The following YEATS2 variants were observed in gnomAD, a reference collection of about 807,000 sequenced individuals.
YEATS2 encodes YEATS domain containing 2, also known as YEATS domain-containing protein 2.
Under a neutral mutation model 163.2 loss-of-function variants are expected in YEATS2, and 77 were observed. That is an observed-to-expected ratio of 0.47 (90% confidence interval 0.39 to 0.57). The LOEUF (loss-of-function observed/expected upper bound fraction) is 0.57, where lower values mean the gene tolerates loss of function less well. Among genes scored for constraint, YEATS2 ranks in the 20% least tolerant of loss-of-function variants. The probability of loss-of-function intolerance (pLI) is 0.00; values close to 1 mark genes in which losing one functional copy is unlikely to be tolerated. For synonymous variants in YEATS2, 631 were observed against 645.1 expected (o/e 0.98, Z 0.33); for missense variants, 1,549 against 1,729.8 (o/e 0.90, Z 1.85).
chr3:183,724,475 A>G lies in YEATS2; in HGVS notation c.594A>G (p.Thr198=), dbSNP rs778662888. The part of the protein sequence containing the change: ...HKTEQRNADL[T]DETSRLFVKK... ...CAGAACAGCGGAATGCTGATCTCAC[A>G]GATGAGACTTCACGACTTTTTGTAA... is the stretch of plus-strand genomic sequence containing the variant. The change falls in exon 6 of 31, where the codon ACA becomes ACG. Residue 198 remains threonine (T), a synonymous_variant. Coordinates refer to ENST00000305135, the MANE Select transcript of YEATS2 (RefSeq NM_018023.5). 6.2e-7 allele frequency: 1 copy of G among 1,614,076 alleles called. No homozygotes were observed. The highest frequency in any genetic ancestry group is 1.1e-5 in the South Asian group (1 of 91,052).
At chr3:183,750,743 A>G (rs1720077378) in intron 9 of YEATS2, among the ~76,000 whole-genome samples, 1 of 152,144 alleles carries the variant, frequency 6.6e-6, no homozygotes. Flanking sequence ...AGAAATGTCT[A>G]TTCAGAGACA....
At chr3:183,798,236 T>C (rs549854508) in intron 22 of YEATS2, among the ~76,000 whole-genome samples, 185 bp downstream of exon 22, 2 of 150,882 alleles carry the variant, frequency 1.3e-5, no homozygotes, top group Admixed American at 1.3e-4. Context: ...AGGGCACCAA[T>C]GCCAGGACTC....
intron 8 of YEATS2, among the ~76,000 whole-genome samples, chr3:183,740,467 A>C (rs981135609): frequency 2.6e-5 from 4 of 152,258 alleles, no homozygotes; most frequent in Non-Finnish European, 5.9e-5. Flanking sequence ...GTGAACACAC[A>C]AATGATAAGA....
chr3:183,728,755 G>T lies in YEATS2; in HGVS notation c.716G>T (p.Arg239Leu). 6.2e-7 allele frequency: 1 copy of T among 1,614,044 alleles called. No homozygotes were observed. Residue 239 changes from arginine to leucine, a missense_variant, in exon 7 of 31, where the codon CGA becomes CTA. Coordinates refer to ENST00000305135, the MANE Select transcript of YEATS2 (RefSeq NM_018023.5). The stretch of plus-strand genomic sequence containing the variant: ...ACTCATAAGTGGATGGTATATGTCC[G>T]AGGGTCCCGTAGAGAACCCAGCATT... Reference protein sequence around the residue: ...QSTHKWMVYVRGSRREPSINH... With the variant: ...QSTHKWMVYVLGSRREPSINH...
intron 1 of YEATS2, among the ~76,000 whole-genome samples, chr3:183,710,855 T>A (rs1421390856): frequency 6.6e-6 from 1 of 152,160 alleles, no homozygotes; most frequent in Non-Finnish European, 1.5e-5. Flanking sequence ...TAAGTGAGGA[T>A]GATGCTGGAG....
intron 8 of YEATS2, among the ~76,000 whole-genome samples, chr3:183,744,102 CTTTTTTTTTTTTTTTT>C (rs562807575): frequency 2.0e-4 from 11 of 55,996 alleles, no homozygotes; most frequent in East Asian, 7.1e-4. Context: ...TTTAGTTTTG[CTTTTTTTTTTTTTTTT>C]TTTTTTTTTT....
intron 5 of YEATS2, among the ~76,000 whole-genome samples, chr3:183,723,295 CATT>C (rs961873205): frequency 2.1e-4 from 32 of 152,192 alleles, no homozygotes; most frequent in African/African-American, 5.8e-4. Context: ...GCTATAGAGT[CATT>C]ATTGGATTAG....
intron 8 of YEATS2, among the ~76,000 whole-genome samples, chr3:183,743,434 C>T (rs769597519): frequency 1.4e-4 from 22 of 152,116 alleles, no homozygotes; most frequent in East Asian, 7.7e-4. Flanking sequence ...TGACCTCCCC[C>T]GGCTCAGGTG....
At position 183,810,657 on chromosome 3, in the gene YEATS2, G is replaced by C; in HGVS notation, c.*74G>C. 7.2e-7 allele frequency: 1 copy of C among 1,382,704 alleles called. No homozygotes were observed. The highest frequency in any genetic ancestry group is 1.0e-6 in the Non-Finnish European group (1 of 985,860). The allele number at this position is 1,382,704 out of a possible 1,614,324, so 85.7% of individuals were successfully genotyped here. Reference sequence around the variant, plus strand: ...TGTAACTGAGGACCCTGCTGCTCGGGAAGGAGGTGGTTTCCAGTGTGACTC... The same window carrying C: ...TGTAACTGAGGACCCTGCTGCTCGGCAAGGAGGTGGTTTCCAGTGTGACTC... On this transcript the variant is annotated 3_prime_UTR_variant, in exon 31 of 31. Transcript: ENST00000305135.
At chr3:183,806,345 A>G in intron 27 of YEATS2, 1 of 456,508 alleles carries the variant, frequency 2.2e-6, no homozygotes, top group Non-Finnish European at 4.4e-6. Context: ...ACTCATCCAG[A>G]AAGTGGAAGG....
rs1300834611 is a variant in YEATS2 at position 183,789,566 on chromosome 3, C to T, written c.2914-1231C>T. On this transcript the variant is annotated intron_variant, in intron 20 of 30. Transcript: ENST00000305135. ...TTTTTTTTTTTTTGAGACAGAGTCT[C>T]GCTCTGTCACCCAAGCTGGAGTGCA... Among the ~76,000 whole-genome samples the T allele has an allele frequency of 5.8e-5, 6 of 102,802 alleles. No individual in the cohort carries two copies. The East Asian group carries it at 1.3e-3, about 22-fold the overall frequency. 67.4% of individuals were successfully genotyped at this position (102,802 alleles called of 152,430 possible).
chr3:183,762,856 A>G (rs1005499453), intron 15 of YEATS2, among the ~76,000 whole-genome samples: 1 of 152,074 alleles, frequency 6.6e-6, no homozygotes, highest in East Asian at 1.9e-4. Context: ...GTTCGAGACC[A>G]GCCTGACCAA....
At chr3:183,802,258 CAG>C (rs1452187837) in intron 25 of YEATS2, 1 of 152,688 alleles carries the variant, frequency 6.5e-6, no homozygotes, top group African/African-American at 2.4e-5. Flanking sequence ...CATGCACACT[CAG>C]AGGGGAGCCA....
intron 12 of YEATS2, among the ~76,000 whole-genome samples, chr3:183,757,312 C>T (rs1720871987): frequency 6.6e-6 from 1 of 152,030 alleles, no homozygotes; most frequent in African/African-American, 2.4e-5. Flanking sequence ...TTTATTGAGA[C>T]AGAGTCTTGC....
Position 183,777,405 on chromosome 3 carries a change from T to C in YEATS2, c.2578-137T>C, listed in dbSNP as rs1289662492. The stretch of plus-strand genomic sequence containing the variant: ...AGCACAACTATTCTTTTGAATTATT[T>C]TGCCTACATTGCAGAATTAAAGGGG... On this transcript the variant is annotated intron_variant, in intron 18 of 30. Transcript: ENST00000305135. The C allele has an allele frequency of 3.5e-6, 3 of 856,116 alleles. No homozygotes were observed. In the East Asian group the frequency reaches 8.1e-5, roughly 23 times the overall value. The allele number at this position is 856,116 out of a possible 1,614,324, so 53.0% of individuals were successfully genotyped here.
intron 7 of YEATS2, among the ~76,000 whole-genome samples, chr3:183,732,855 G>A (rs759915334): frequency 7.2e-5 from 11 of 152,046 alleles, no homozygotes; most frequent in Non-Finnish European, 1.5e-4. Context: ...CACTGCACCC[G>A]GCCAATTTTG....
At chr3:183,731,759 A>G (rs1214225273) in intron 7 of YEATS2, among the ~76,000 whole-genome samples, 1 of 152,182 alleles carries the variant, frequency 6.6e-6, no homozygotes, top group African/African-American at 2.4e-5. Flanking sequence ...CATTACCTGT[A>G]TGAGGTTTGA....
In YEATS2 at chr3:183,777,641, G is replaced by A. The variant is rs1372413879; in HGVS notation, c.2677G>A (p.Ala893Thr). 4 of 1,613,982 alleles carry A rather than the reference G, an allele frequency of 2.5e-6. No individual in the cohort carries two copies. The highest frequency in any genetic ancestry group is 2.5e-6 in the Non-Finnish European group (3 of 1,180,026). The change falls in exon 19 of 31, where the codon GCA (alanine) becomes ACA (threonine). Residue 893 changes from alanine (A) to threonine (T), a missense_variant. Coordinates refer to ENST00000305135, the MANE Select transcript of YEATS2 (RefSeq NM_018023.5). ...AACACTGGGAGTCAGCACATCTTCTGCACAAGGACAACAAACGCTAAAAGT... is the reference window on the plus strand; with the variant it reads ...AACACTGGGAGTCAGCACATCTTCTACACAAGGACAACAAACGCTAAAAGT... ...QGTLGVSTSS[A>T]QGQQTLKVIS...
chr3:183,756,415 C>T lies in YEATS2; in HGVS notation c.1391-113C>T, dbSNP rs1720770910. 9.7e-6 allele frequency: 10 copies of T among 1,035,472 alleles called. No individual in the cohort carries two copies. In the East Asian group the frequency reaches 1.7e-4, roughly 17 times the overall value. 64.1% of individuals were successfully genotyped at this position (1,035,472 alleles called of 1,614,324 possible). A position where few individuals can be genotyped will look rare whatever the true frequency, so the allele number is the denominator to read the frequency against. Reference sequence around the variant, plus strand: ...AGCACGCAGTATCCATTTTATTTTCCCAATTTGTTACCTTTGTCCTGGTGG... The same window carrying T: ...AGCACGCAGTATCCATTTTATTTTCTCAATTTGTTACCTTTGTCCTGGTGG... On this transcript the variant is annotated intron_variant, in intron 11 of 30. Coordinates refer to ENST00000305135, the MANE Select transcript of YEATS2 (RefSeq NM_018023.5).
Sources: gnomAD v4.1 joint callset for allele counts (sites outside exome capture counted in the v4.1 genomes callset) on GRCh38, gnomAD v4.1.1 for gene constraint, MANE v1.5 for transcripts, NCBI Gene and HGNC (gene_info 2026-07-23, HGNC 2026-07-21) for gene names.